The following MTFR1 variants were observed in gnomAD, a reference collection of about 807,000 sequenced individuals.
The protein encoded by MTFR1 is mitochondrial fission regulator 1.
MTFR1 carries 28 observed loss-of-function variants against 38.8 expected under a neutral mutation model. That is an observed-to-expected ratio of 0.72 (90% confidence interval 0.53 to 0.99). MTFR1 has a LOEUF of 0.99. MTFR1 is among the 50% of genes least tolerant of loss of function. The probability of loss-of-function intolerance (pLI) is 0.00; values close to 1 mark genes in which losing one functional copy is unlikely to be tolerated. For synonymous variants in MTFR1, 145 were observed against 137.0 expected (o/e 1.06, Z -0.41); for missense variants, 358 against 395.5 (o/e 0.91, Z 0.81).
chr8:65,726,040 C>T (rs1806595009), intron 3 of MTFR1, among the ~76,000 whole-genome samples: 1 of 152,102 alleles, frequency 6.6e-6, no homozygotes, highest in South Asian at 2.1e-4. Flanking sequence ...TTACACAAAA[C>T]AGTTTTTTAT....
chr8:65,713,918 C>T (rs1388972866), downstream of MTFR1, among the ~76,000 whole-genome samples: 1 of 151,978 alleles, frequency 6.6e-6, no homozygotes, highest in Non-Finnish European at 1.5e-5. Flanking sequence ...GAACTCCTGA[C>T]GTGAGGTGAT....
At chr8:65,718,206 A>G (rs925995102) in intron 2 of MTFR1, 2 of 152,208 alleles carry the variant, frequency 1.3e-5, no homozygotes, top group African/African-American at 2.4e-5. Flanking sequence ...ATTCTAAAAT[A>G]ATAAATAAAA....
intron 1 of MTFR1, among the ~76,000 whole-genome samples, chr8:65,655,969 C>CATATATATATATATATGTGTATATATATA: frequency 5.3e-5 from 3 of 56,474 alleles, no homozygotes; most frequent in African/African-American, 3.0e-4. Context: ...TATATATATA[C>CATATATATATATATATGTGTATATATATA]CATATATATA....
chr8:65,752,865 T>A (rs1808032269), intron 3 of MTFR1, among the ~76,000 whole-genome samples: 2 of 152,222 alleles, frequency 1.3e-5, no homozygotes, highest in South Asian at 4.1e-4. Context: ...CTCATTTCTA[T>A]CCACTATAAC....
chr8:65,672,438 T>C (rs1804589528), intron 2 of MTFR1, among the ~76,000 whole-genome samples: 1 of 152,214 alleles, frequency 6.6e-6, no homozygotes, highest in Non-Finnish European at 1.5e-5. Context: ...ATCTGATATA[T>C]ACAGGCATAG....
At chr8:65,736,672 G>A (rs1003642620) in intron 3 of MTFR1, among the ~76,000 whole-genome samples, 23 of 151,894 alleles carry the variant, frequency 1.5e-4, no homozygotes, top group African/African-American at 4.8e-4. Context: ...GATCGCATGA[G>A]CCGAGAGGTT....
chr8:65,776,270 T>A, the MTFR1 span, among the ~76,000 whole-genome samples: 1 of 152,206 alleles, frequency 6.6e-6, no homozygotes, highest in Admixed American at 6.5e-5. Flanking sequence ...AATATCCATA[T>A]ATGTGTGGGT....
intron 4 of MTFR1, among the ~76,000 whole-genome samples, chr8:65,702,297 CTTTTTTTTTTTT>C (rs530863447): frequency 1.8e-5 from 2 of 110,272 alleles, no homozygotes; most frequent in African/African-American, 6.4e-5. Context: ...TTCTTTCTTT[CTTTTTTTTTTTT>C]TTTTTTTTGA....
intron 1 of MTFR1, among the ~76,000 whole-genome samples, chr8:65,652,567 T>C (rs949724759): frequency 8.5e-5 from 13 of 152,216 alleles, no homozygotes; most frequent in East Asian, 1.9e-4. Flanking sequence ...ATTGTAGATA[T>C]CTTTCACTTT....
chr8:65,739,373 T>C, intron 3 of MTFR1: 1 of 1,049,780 alleles, frequency 9.5e-7, no homozygotes, highest in Non-Finnish European at 1.3e-6. Flanking sequence ...AACTGTGTGT[T>C]GTTTTAAGCC....
intron 3 of MTFR1, among the ~76,000 whole-genome samples, chr8:65,691,490 C>T (rs1384131737): frequency 6.6e-6 from 1 of 152,078 alleles, no homozygotes; most frequent in Non-Finnish European, 1.5e-5. Flanking sequence ...GGTGTTTTGC[C>T]ATGTTGCCCA....
intron 4 of MTFR1, 54 bp from the exon 5 acceptor site, chr8:65,704,640 G>A: frequency 6.9e-7 from 1 of 1,452,514 alleles, no homozygotes; most frequent in Non-Finnish European, 9.6e-7. Flanking sequence ...TGAGGATGGT[G>A]TTTCACGTTC....
At chr8:65,778,158 T>A in the MTFR1 span, among the ~76,000 whole-genome samples, 1 of 152,218 alleles carries the variant, frequency 6.6e-6, no homozygotes, top group Non-Finnish European at 1.5e-5. Flanking sequence ...GCAAGCTGTG[T>A]GACACAGCTC....
chr8:65,768,408 A>G lies in MTFR1; in HGVS notation c.*49-2539A>G, dbSNP rs555786295. Among the ~76,000 whole-genome samples the G allele has an allele frequency of 2.2e-4, 33 of 152,254 alleles. 1 individual carries two copies. The highest frequency in any genetic ancestry group is 6.8e-3 in the Middle Eastern group (2 of 294). On this transcript the variant is annotated intron_variant, in intron 3 of 3. Coordinates refer to the MTFR1 transcript ENST00000521247. ...GGGGTGCTAATTCTCATGATAGTGA[A>G]TAAGTCTCAGGAGATCTCATGGTTT...
chr8:65,682,912 T>C (rs1015680976), intron 3 of MTFR1: 45 of 985,382 alleles, frequency 4.6e-5, no homozygotes, highest in Non-Finnish European at 5.4e-5. Context: ...ATAGGATCCA[T>C]TGCCTTGGCA....
chr8:65,685,203 T>C (rs1805036578), intron 3 of MTFR1, among the ~76,000 whole-genome samples: 1 of 152,232 alleles, frequency 6.6e-6, no homozygotes, highest in African/African-American at 2.4e-5. Flanking sequence ...GGCTAACTGA[T>C]GTGGAATATA....
At chr8:65,650,273 A>C (rs2129047083) in intron 1 of MTFR1, among the ~76,000 whole-genome samples, 1 of 141,674 alleles carries the variant, frequency 7.1e-6, no homozygotes, top group African/African-American at 2.7e-5. Context: ...CCCAGGTTCA[A>C]GCAATTCTCT....
At chr8:65,757,662 A>G (rs1808300037) in intron 3 of MTFR1, among the ~76,000 whole-genome samples, 1 of 152,250 alleles carries the variant, frequency 6.6e-6, no homozygotes, top group East Asian at 1.9e-4. Flanking sequence ...TCTGTCGCCC[A>G]GGCTGAAGTG....
chr8:65,674,709 CAT>C (rs1464174268), intron 2 of MTFR1, among the ~76,000 whole-genome samples: 8 of 152,198 alleles, frequency 5.3e-5, no homozygotes, highest in African/African-American at 1.9e-4. Context: ...GTGATTGGCT[CAT>C]TGTCTTTGAC....
Sources: allele counts gnomAD v4.1 joint callset (sites outside exome capture counted in the v4.1 genomes callset), GRCh38; gene constraint gnomAD v4.1.1; transcripts MANE v1.5; gene names NCBI Gene and HGNC (gene_info 2026-07-23, HGNC 2026-07-21).